ABTB2: variants seen among roughly 807,000 people sequenced by gnomAD.
ABTB2 encodes the protein ankyrin repeat and BTB/POZ domain-containing protein 2.
In ABTB2, 56 loss-of-function variants were observed where a neutral mutation model predicts 104.1. The ratio of observed to expected loss-of-function variants is 0.54; its 90% confidence interval spans 0.43 to 0.67. The LOEUF is 0.67. Among genes scored for constraint, ABTB2 ranks in the 30% least tolerant of loss-of-function variants. The pLI, the probability that ABTB2 is intolerant of heterozygous loss-of-function variation, is 0.00. For synonymous variants in ABTB2, 606 were observed against 608.2 expected, an observed-to-expected ratio of 1.00 and a Z score of 0.05; for missense variants, 1,279 against 1,407.7, an observed-to-expected ratio of 0.91 and a Z score of 1.46.
In ABTB2 at chr11:34,167,378, TC is replaced by T. The variant is rs1189340646; in HGVS notation, c.1654-19del. On this transcript the variant is annotated intron_variant, in intron 6 of 16. Transcript: ENST00000435224. ...CTTGGAACCTGGAAAATACCACAAA[TC>T]ATCTGTGTTTTCTGGGCACCCGAGC... 6.2e-7 allele frequency: 1 copy of T among 1,606,354 alleles called. No individual in the cohort carries two copies.
chr11:34,296,042 G>A (rs545010980), intron 1 of ABTB2, among the ~76,000 whole-genome samples: 2 of 152,318 alleles, frequency 1.3e-5, no homozygotes, highest in African/African-American at 4.8e-5. Flanking sequence ...TAAGGCGGGA[G>A]TATTGCTGGA....
At chr11:34,309,602 T>C (rs551800714) in intron 1 of ABTB2, among the ~76,000 whole-genome samples, 2 of 152,088 alleles carry the variant, frequency 1.3e-5, no homozygotes, top group African/African-American at 4.8e-5. Flanking sequence ...GGCCACGATT[T>C]CCCCAAATTT....
chr11:34,304,356 C>T (rs551886894), intron 1 of ABTB2, among the ~76,000 whole-genome samples: 3 of 152,258 alleles, frequency 2.0e-5, no homozygotes, highest in East Asian at 3.9e-4. Flanking sequence ...AGCTATTCTC[C>T]GGCCTCTGCC....
Position 34,160,359 on chromosome 11 carries a change from G to A in ABTB2, c.2398-6C>T, listed in dbSNP as rs752136956. On this transcript the variant is annotated splice_polypyrimidine_tract_variant and splice_region_variant and intron_variant, in intron 11 of 16. Coordinates refer to ENST00000435224, the MANE Select transcript of ABTB2 (RefSeq NM_145804.3). ...TGCTGGATGACGGAGTCGTTCTGTG[G>A]GGAGAGGAGAGAGGGCCTGTGAGCT... The A allele has an allele frequency of 1.9e-6, 3 of 1,611,244 alleles. No homozygotes were observed. In the South Asian group the frequency reaches 3.3e-5, roughly 18 times the overall value.
At chr11:34,167,848 C>G in intron 6 of ABTB2, 55 bp downstream of exon 6, 1 of 1,573,294 alleles carries the variant, frequency 6.4e-7, no homozygotes, top group Admixed American at 1.7e-5. Context: ...TTGGAGCCCT[C>G]GGAGTGATCC....
intron 1 of ABTB2, among the ~76,000 whole-genome samples, chr11:34,261,869 C>T (rs180697204): frequency 6.2e-4 from 94 of 152,300 alleles, no homozygotes; most frequent in African/African-American, 2.1e-3. Context: ...CTCTGTACCA[C>T]CCCCCAAATT....
Position 34,357,458 on chromosome 11 carries a change from G to A in ABTB2, c.126C>T (p.Leu42=). 6.5e-7 allele frequency: 1 copy of A among 1,547,736 alleles called. No individual in the cohort carries two copies. The highest frequency in any genetic ancestry group is 1.2e-5 in the South Asian group (1 of 84,048). Residue 42 remains leucine (L), a synonymous_variant, in exon 1 of 17, where the codon CTC becomes CTT. Transcript: ENST00000435224. ...CGCGGTGCTGCTGCGCCGAAGAGTT[G>A]AGCGCCTGCGAGTTGGACTTGGAGG... ...LSSSKSNSQA[L]NSSAQQHRGA...
At chr11:34,315,724 A>T (rs958444547) in intron 1 of ABTB2, among the ~76,000 whole-genome samples, 3 of 152,164 alleles carry the variant, frequency 2.0e-5, no homozygotes, top group Non-Finnish European at 4.4e-5. Context: ...TATAGTTCTG[A>T]AATGCGCAGG....
At chr11:34,163,071 G>A (rs1425494086) in intron 9 of ABTB2, among the ~76,000 whole-genome samples, 1 of 152,190 alleles carries the variant, frequency 6.6e-6, no homozygotes, top group Non-Finnish European at 1.5e-5. Flanking sequence ...GGGGCTGAGC[G>A]AGCTCTGCCA....
intron 1 of ABTB2, among the ~76,000 whole-genome samples, chr11:34,283,195 G>A (rs1190909253): frequency 2.0e-5 from 3 of 147,214 alleles, no homozygotes; most frequent in African/African-American, 7.5e-5. Flanking sequence ...TGGGATTACA[G>A]GCGTAAGCCA....
chr11:34,316,597 G>A (rs768613182), intron 1 of ABTB2, among the ~76,000 whole-genome samples: 15 of 152,166 alleles, frequency 9.9e-5, no homozygotes, highest in African/African-American at 2.4e-4. Flanking sequence ...CTACAAGGCT[G>A]AGCAGTGAAA....
At chr11:34,246,032 GTTCAGGCCAA>G (rs1853979611) in intron 1 of ABTB2, among the ~76,000 whole-genome samples, 1 of 152,222 alleles carries the variant, frequency 6.6e-6, no homozygotes, top group Non-Finnish European at 1.5e-5. Flanking sequence ...CTTCTAAAAC[GTTCAGGCCAA>G]TGCCTGGCAC....
chr11:34,159,003 A>G lies in ABTB2; in HGVS notation c.2697+293T>C, dbSNP rs372901671. Among the ~76,000 whole-genome samples, 4 of 152,200 alleles carry G rather than the reference A, an allele frequency of 2.6e-5. 1 individual carries two copies. The highest frequency in any genetic ancestry group is 6.5e-5 in the Admixed American group (1 of 15,296). The stretch of plus-strand genomic sequence containing the variant: ...GAGCCCACCCTGATAACAAGGACTC[A>G]CACCCCAGCTGTGTGGCTTGTATCT... On this transcript the variant is annotated intron_variant, in intron 14 of 16. Transcript: ENST00000435224.
In ABTB2 at chr11:34,208,310, C is replaced by A. The variant is rs182637427; in HGVS notation, c.884-3620G>T. Among the ~76,000 whole-genome samples, 912 of 152,240 alleles carry A rather than the reference C, an allele frequency of 6.0e-3. 4 individuals carry two copies. The highest frequency in any genetic ancestry group is 0.01 in the Non-Finnish European group (703 of 68,018). ...TTAGTAAAATCCTTAGAAAAAAATT[C>A]TTCCTTTCTGTCATGATGGAGAAGA... On this transcript the variant is annotated intron_variant, in intron 1 of 16. Transcript: ENST00000435224.
At position 34,171,042 on chromosome 11, in the gene ABTB2, C is replaced by T; in HGVS notation, c.1427G>A (p.Arg476Lys). The T allele has an allele frequency of 6.2e-7, 1 of 1,614,192 alleles. No homozygotes were observed. The highest frequency in any genetic ancestry group is 8.5e-7 in the Non-Finnish European group (1 of 1,180,034). ...KPEHCFSSFR[R>K]LDARAATEKF... ...TTCAGTAGCTGCTCGGGCATCCAGC[C>T]TCCGGAAGGAACTGAAACAGTGTTC... The change falls in exon 5 of 17, where the codon AGG becomes AAG. Residue 476 changes from arginine to lysine, a missense_variant. Arg to Lys is a conservative substitution (Grantham distance 26). Transcript: ENST00000435224.
intron 1 of ABTB2, among the ~76,000 whole-genome samples, chr11:34,230,875 T>C (rs1853759916): frequency 6.6e-6 from 1 of 152,176 alleles, no homozygotes; most frequent in Admixed American, 6.5e-5. Context: ...TGGTTTCTCT[T>C]TTTCTTTTTC....
intron 1 of ABTB2, among the ~76,000 whole-genome samples, chr11:34,313,130 G>A (rs1854879515): frequency 6.6e-6 from 1 of 152,188 alleles, no homozygotes; most frequent in Non-Finnish European, 1.5e-5. Flanking sequence ...CACTGTCAGT[G>A]GAACAATTTA....
At chr11:34,242,163 T>C (rs542632213) in intron 1 of ABTB2, among the ~76,000 whole-genome samples, 1 of 152,294 alleles carries the variant, frequency 6.6e-6, no homozygotes, top group South Asian at 2.1e-4. Flanking sequence ...ATAAATAAAG[T>C]CAAGATTCGG....
chr11:34,288,601 G>C (rs1854531369), intron 1 of ABTB2, among the ~76,000 whole-genome samples: 1 of 152,122 alleles, frequency 6.6e-6, no homozygotes, highest in African/African-American at 2.4e-5. Flanking sequence ...TTAGTCTCTT[G>C]GTTGTTTTCG....
Sources: allele counts gnomAD v4.1 joint callset (sites outside exome capture counted in the v4.1 genomes callset), GRCh38; gene constraint gnomAD v4.1.1; transcripts MANE v1.5; gene names NCBI Gene and HGNC (gene_info 2026-07-23, HGNC 2026-07-21).